Variants in MCPH1 observed in about 807,000 individuals in gnomAD.
MCPH1 encodes the protein microcephalin 1.
MCPH1 carries 104 observed loss-of-function variants against 84.5 expected under a neutral mutation model. The observed-to-expected ratio is 1.23, with a 90% CI of 1.05 to 1.45. The LOEUF (loss-of-function observed/expected upper bound fraction) is 1.45, where lower values mean the gene tolerates loss of function less well. Ranked by LOEUF, MCPH1 falls within the 40% of genes most tolerant of loss-of-function variation. The probability of loss-of-function intolerance (pLI) is 0.00; values close to 1 mark genes in which losing one functional copy is unlikely to be tolerated. For missense variants in MCPH1, 1,498 were observed against 1,005.7 expected (o/e 1.49, Z -6.62); for synonymous variants, 514 against 366.8 (o/e 1.40, Z -4.58).
At chr8:6,485,684 A>G (rs759969067) in intron 11 of MCPH1, among the ~76,000 whole-genome samples, 8 of 152,134 alleles carry the variant, frequency 5.3e-5, no homozygotes, top group Non-Finnish European at 1.2e-4. Flanking sequence ...TGTTAATAGT[A>G]TCAACTCTTG....
intron 12 of MCPH1, among the ~76,000 whole-genome samples, chr8:6,516,960 G>T (rs1047996969): frequency 1.3e-5 from 2 of 152,202 alleles, no homozygotes; most frequent in Admixed American, 1.3e-4. Flanking sequence ...CATTAGTGAT[G>T]ATGATAAGGT....
In MCPH1 at chr8:6,535,591, T is replaced by C. The variant is rs116688522; in HGVS notation, c.2214+35662T>C. Among the ~76,000 whole-genome samples the C allele has an allele frequency of 7.4e-3, 1,131 of 152,304 alleles. 12 individuals are homozygous for C. The highest frequency in any genetic ancestry group is 0.026 in the African/African-American group (1,094 of 41,526). ...TATACAGATAGGTATATAGCATATA[T>C]GTATATAGTGTCTATAAATATATAC... On this transcript the variant is annotated intron_variant, in intron 12 of 13. Coordinates refer to ENST00000344683, the MANE Select transcript of MCPH1 (RefSeq NM_024596.5).
intron 2 of MCPH1, among the ~76,000 whole-genome samples, chr8:6,412,711 T>C (rs1798711926): frequency 6.6e-6 from 1 of 152,228 alleles, no homozygotes; most frequent in Non-Finnish European, 1.5e-5. Flanking sequence ...GGGAAGATGG[T>C]CTCAAATGCT....
chr8:6,586,204 T>C (rs890876462), intron 12 of MCPH1, among the ~76,000 whole-genome samples: 2 of 152,076 alleles, frequency 1.3e-5, no homozygotes, highest in African/African-American at 4.8e-5. Flanking sequence ...CAAGTGATCC[T>C]CCTGCCTCAG....
intron 12 of MCPH1, among the ~76,000 whole-genome samples, chr8:6,612,808 G>T (rs932259236): frequency 1.3e-5 from 2 of 152,236 alleles, no homozygotes; most frequent in East Asian, 1.9e-4. Flanking sequence ...TGTGAACCCC[G>T]CAATTTCGTG....
At chr8:6,441,993 G>A (rs2053617) in intron 6 of MCPH1, 74 bp from the exon 7 acceptor site, 15 of 986,828 alleles carry the variant, frequency 1.5e-5, no homozygotes, top group Non-Finnish European at 2.4e-5. Flanking sequence ...ATTAATAGGA[G>A]GACTTCCTGC....
chr8:6,469,421 A>G (rs751520735), intron 9 of MCPH1, among the ~76,000 whole-genome samples: 1 of 152,176 alleles, frequency 6.6e-6, no homozygotes. Flanking sequence ...TAGGTCATAT[A>G]ATATCCTCAG....
At chr8:6,549,586 A>G (rs1041884690) in intron 12 of MCPH1, among the ~76,000 whole-genome samples, 1 of 151,944 alleles carries the variant, frequency 6.6e-6, no homozygotes, top group Non-Finnish European at 1.5e-5. Context: ...CAGGGCGGGA[A>G]GCCTTCTGCA....
chr8:6,624,629 C>A (rs2129581271), intron 13 of MCPH1, among the ~76,000 whole-genome samples: 1 of 152,310 alleles, frequency 6.6e-6, no homozygotes, highest in Middle Eastern at 3.4e-3. Flanking sequence ...GTACATACTT[C>A]TGGCTTTTCT....
chr8:6,474,224 T>G, intron 9 of MCPH1: 1 of 641,784 alleles, frequency 1.6e-6, no homozygotes, highest in East Asian at 2.6e-5. Context: ...TTCATCATAG[T>G]CGTCATACAA....
At chr8:6,524,512 G>A (rs2129570088) in intron 12 of MCPH1, among the ~76,000 whole-genome samples, 1 of 152,324 alleles carries the variant, frequency 6.6e-6, no homozygotes, top group East Asian at 1.9e-4. Flanking sequence ...GAAAGCATGT[G>A]AAATTGACAT....
At position 6,455,248 on chromosome 8, in the gene MCPH1, A is replaced by G; in HGVS notation, c.1931A>G (p.Lys644Arg). 6.2e-7 allele frequency: 1 copy of G among 1,604,426 alleles called. No individual in the cohort carries two copies. The highest frequency in any genetic ancestry group is 8.5e-7 in the Non-Finnish European group (1 of 1,171,236). The change falls in exon 9 of 14, where the codon AAA (lysine) becomes AGA (arginine). Residue 644 changes from lysine to arginine, a missense_variant. Coordinates refer to ENST00000344683, the MANE Select transcript of MCPH1 (RefSeq NM_024596.5). The part of the protein sequence containing the change: ...HEELKKSGRG[K>R]KPTRTLVMTS... Reference sequence around the variant, plus strand: ...GAATTGAAGAAAAGTGGGAGAGGCAAAAAGGTCAGTGTGTAAAAATATTAT... The same window carrying G: ...GAATTGAAGAAAAGTGGGAGAGGCAGAAAGGTCAGTGTGTAAAAATATTAT...
At chr8:6,434,951 A>G (rs144627729) in intron 4 of MCPH1, among the ~76,000 whole-genome samples, 7 of 152,192 alleles carry the variant, frequency 4.6e-5, no homozygotes, top group African/African-American at 1.7e-4. Flanking sequence ...ACGGGAAGTC[A>G]ATGGGCAGTT....
At chr8:6,408,269 C>G (rs1483253216) in intron 1 of MCPH1, among the ~76,000 whole-genome samples, 1 of 152,202 alleles carries the variant, frequency 6.6e-6, no homozygotes, top group East Asian at 1.9e-4. Flanking sequence ...TACTCTCTTG[C>G]CCAGGCTGGA....
chr8:6,593,504 G>A (rs777090226), intron 12 of MCPH1, among the ~76,000 whole-genome samples: 7 of 152,034 alleles, frequency 4.6e-5, no homozygotes, highest in African/African-American at 1.4e-4. Context: ...ATAGGCACAC[G>A]CCACCACGCC....
chr8:6,543,325 T>G (rs1399015173), intron 12 of MCPH1, among the ~76,000 whole-genome samples: 1 of 152,160 alleles, frequency 6.6e-6, no homozygotes, highest in Non-Finnish European at 1.5e-5. Context: ...TACAGTTACT[T>G]TCTCAGTATG....
chr8:6,559,960 T>G (rs543878491), intron 12 of MCPH1, among the ~76,000 whole-genome samples: 2 of 152,334 alleles, frequency 1.3e-5, no homozygotes, highest in Non-Finnish European at 2.9e-5. Flanking sequence ...TGACACTTCC[T>G]TTGCCGGACA....
At chr8:6,425,712 T>G (rs1371589315) in intron 3 of MCPH1, among the ~76,000 whole-genome samples, 2 of 152,254 alleles carry the variant, frequency 1.3e-5, no homozygotes, top group East Asian at 3.8e-4. Context: ...TAAAGAATAC[T>G]TACTGGTTTT....
rs763189228 is a variant in MCPH1 at position 6,439,083 on chromosome 8, T to C, written c.567T>C (p.Asn189=). 26 of 1,613,142 alleles carry C rather than the reference T, an allele frequency of 1.6e-5. No individual in the cohort carries two copies. The East Asian group carries it at 5.8e-4, about 36-fold the overall frequency. The change falls in exon 6 of 14, where the codon AAT becomes AAC. Residue 189 remains asparagine (N), a synonymous_variant. Coordinates refer to ENST00000344683, the MANE Select transcript of MCPH1 (RefSeq NM_024596.5). ...AAGAGATGAAGGAGAAAAGGGAAAA[T>C]CTTTCCCCCACCTGTAAGTAATTAG... The part of the protein sequence containing the change: ...RLQEMKEKRE[N]LSPTSSQMIQ...
Sources: gnomAD v4.1 joint callset for allele counts (sites outside exome capture counted in the v4.1 genomes callset) on GRCh38, gnomAD v4.1.1 for gene constraint, MANE v1.5 for transcripts, NCBI Gene and HGNC (gene_info 2026-07-23, HGNC 2026-07-21) for gene names.